AGMO: variants seen among roughly 807,000 people sequenced by gnomAD.
AGMO encodes glyceryl-ether monooxygenase.
A neutral mutation model predicts 60.2 loss-of-function variants in AGMO; 75 were observed. The ratio of observed to expected loss-of-function variants is 1.25; its 90% CI spans 1.03 to 1.51. The LOEUF is 1.51. AGMO is among the 40% of genes most tolerant of loss of function. The pLI, the probability that AGMO is intolerant of heterozygous loss-of-function variation, is 0.00. For missense variants in AGMO, 763 were observed against 525.5 expected, an observed-to-expected ratio of 1.45 and a Z score of -4.42; for synonymous variants, 261 against 177.1, an observed-to-expected ratio of 1.47 and a Z score of -3.76.
At chr7:15,416,526 T>C (rs1780777676) in intron 5 of AGMO, among the ~76,000 whole-genome samples, 1 of 152,200 alleles carries the variant, frequency 6.6e-6, no homozygotes, top group Admixed American at 6.5e-5. Flanking sequence ...AAAAAATCAG[T>C]ATCTTCTTAA....
chr7:15,330,061 TC>T (rs67395641), intron 12 of AGMO, among the ~76,000 whole-genome samples: 61,737 of 151,562 alleles, frequency 0.41, 13,352 homozygotes, highest in Admixed American at 0.5. Context: ...AGAATTATTT[TC>T]TTTTTTCTTT....
chr7:15,446,110 G>C (rs937790678), intron 3 of AGMO, among the ~76,000 whole-genome samples: 1 of 152,142 alleles, frequency 6.6e-6, no homozygotes, highest in African/African-American at 2.4e-5. Flanking sequence ...ATATTTAAAA[G>C]ATCATGAAGC....
chr7:15,286,255 C>CA (rs1482632731), intron 12 of AGMO, among the ~76,000 whole-genome samples: 1 of 151,918 alleles, frequency 6.6e-6, no homozygotes, highest in Non-Finnish European at 1.5e-5. Flanking sequence ...TTCTGCACAG[C>CA]AAAAGAATTA....
chr7:15,433,782 ATGT>A (rs1247413548), intron 3 of AGMO, among the ~76,000 whole-genome samples: 1 of 151,202 alleles, frequency 6.6e-6, no homozygotes, highest in Non-Finnish European at 1.5e-5. Flanking sequence ...ATATATGTAT[ATGT>A]TATTATAATT....
chr7:15,505,319 A>G (rs778468159), intron 3 of AGMO, among the ~76,000 whole-genome samples: 14 of 152,008 alleles, frequency 9.2e-5, no homozygotes, highest in Non-Finnish European at 2.1e-4. Context: ...TGGGCCATAT[A>G]GCCAAGGTAG....
chr7:15,327,740 C>CTTTT (rs546851399), intron 12 of AGMO, among the ~76,000 whole-genome samples: 347 of 87,974 alleles, frequency 3.9e-3, no homozygotes, highest in Non-Finnish European at 6.2e-3. Context: ...TGATTTCTTT[C>CTTTT]TTTTTTTTTT....
intron 12 of AGMO, among the ~76,000 whole-genome samples, chr7:15,341,058 T>G (rs1781831360): frequency 6.6e-6 from 1 of 152,206 alleles, no homozygotes; most frequent in Middle Eastern, 3.4e-3. Context: ...GTAACCTGGA[T>G]ATGAGACATG....
At chr7:15,164,242 C>G in the AGMO span, among the ~76,000 whole-genome samples, 1 of 151,912 alleles carries the variant, frequency 6.6e-6, no homozygotes, top group South Asian at 2.1e-4. Flanking sequence ...CAAAAATTAA[C>G]TCAGATGGGG....
At chr7:15,254,681 T>C (rs1362886169) in intron 12 of AGMO, among the ~76,000 whole-genome samples, 4 of 151,206 alleles carry the variant, frequency 2.6e-5, no homozygotes, top group African/African-American at 9.7e-5. Flanking sequence ...ATACGAAAGA[T>C]CAATGAGACA....
intron 4 of AGMO, among the ~76,000 whole-genome samples, chr7:15,430,109 T>C (rs895674691): frequency 6.6e-6 from 1 of 151,938 alleles, no homozygotes; most frequent in Non-Finnish European, 1.5e-5. Flanking sequence ...GTTGTGAAGA[T>C]GAAGTAAGTC....
chr7:15,365,156 A>G (rs1782920672), intron 12 of AGMO, among the ~76,000 whole-genome samples: 1 of 151,952 alleles, frequency 6.6e-6, no homozygotes, highest in African/African-American at 2.4e-5. Context: ...AAGCTTTAAA[A>G]AAATCTCAAA....
intron 3 of AGMO, among the ~76,000 whole-genome samples, chr7:15,540,531 C>A (rs1784599171): frequency 6.6e-6 from 1 of 152,172 alleles, no homozygotes; most frequent in South Asian, 2.1e-4. Context: ...TTGGCAAAGT[C>A]TAGCATCAAG....
chr7:15,431,891 A>G (rs1781251197), intron 3 of AGMO, among the ~76,000 whole-genome samples: 1 of 152,030 alleles, frequency 6.6e-6, no homozygotes, highest in East Asian at 1.9e-4. Context: ...TTTACAACAA[A>G]TATGACACTG....
intron 3 of AGMO, among the ~76,000 whole-genome samples, chr7:15,448,337 A>T (rs1185067823): frequency 6.6e-6 from 1 of 152,332 alleles, no homozygotes; most frequent in South Asian, 2.1e-4. Flanking sequence ...CTCTTCTGCC[A>T]TATGAGTTTA....
intron 4 of AGMO, among the ~76,000 whole-genome samples, chr7:15,429,897 T>C (rs1781178251): frequency 6.6e-6 from 1 of 152,042 alleles, no homozygotes; most frequent in Non-Finnish European, 1.5e-5. Context: ...ATAGGCTTAT[T>C]TATGATGATC....
At chr7:15,370,678 G>C (rs540153336) in intron 10 of AGMO, among the ~76,000 whole-genome samples, 34 of 152,174 alleles carry the variant, frequency 2.2e-4, no homozygotes, top group Admixed American at 1.4e-3. Flanking sequence ...TTGGATACTT[G>C]TATGTCTGCT....
Position 15,388,453 on chromosome 7 carries a change from G to A in AGMO, c.823-913C>T, listed in dbSNP as rs78656879. On this transcript the variant is annotated intron_variant, in intron 8 of 12. Transcript: ENST00000342526. ...ATAATAATACAGAAAACCAATGTGC[G>A]TAGAAGTTATAATGTACATTAATAT... Among the ~76,000 whole-genome samples, 628 of 152,260 alleles carry A rather than the reference G, an allele frequency of 4.1e-3. 2 individuals carry two copies. Among genetic ancestry groups the A allele is most frequent in the Non-Finnish European group, 7.6e-3 (515 of 68,022 alleles).
At chr7:15,199,245 T>C (rs73054516), downstream of AGMO, among the ~76,000 whole-genome samples, 7,410 of 152,224 alleles carry the variant, frequency 0.049, 236 homozygotes, top group South Asian at 0.094. Context: ...TGGCACAAAT[T>C]TGTATCTTGA....
chr7:15,382,810 T>C (rs73066538), intron 10 of AGMO, among the ~76,000 whole-genome samples: 33,894 of 152,012 alleles, frequency 0.22, 3,913 homozygotes, highest in African/African-American at 0.29. Context: ...ATAGATATCT[T>C]AATTAAGATG....
Sources: gnomAD v4.1 joint callset for allele counts (sites outside exome capture counted in the v4.1 genomes callset) on GRCh38, gnomAD v4.1.1 for gene constraint, MANE v1.5 for transcripts, NCBI Gene and HGNC (gene_info 2026-07-23, HGNC 2026-07-21) for gene names.